ZNF385B: variants seen among roughly 807,000 people sequenced by gnomAD.
ZNF385B encodes the protein zinc finger protein 533.
A neutral mutation model predicts 39.2 loss-of-function variants in ZNF385B; 23 were observed. The observed-to-expected ratio is 0.59, with a 90% CI of 0.42 to 0.83. The LOEUF is 0.83. Ranked by LOEUF, ZNF385B falls within the 40% of genes least tolerant of loss-of-function variation. The pLI is 0.00. For missense variants in ZNF385B, 552 were observed against 598.9 expected (o/e 0.92, Z 0.82); for synonymous variants, 205 against 222.6 (o/e 0.92, Z 0.70).
intron 3 of ZNF385B, among the ~76,000 whole-genome samples, chr2:179,612,249 T>A (rs1606813): frequency 0.11 from 16,216 of 152,152 alleles, 1,009 homozygotes; most frequent in Middle Eastern, 0.2. Context: ...TTTGGTGAGG[T>A]CATGTTTTCC....
rs1346808450 is a variant in ZNF385B at position 179,792,370 on chromosome 2, C to CTTTTTTTTTTTTTTTT, written c.-154-21699_-154-21698insAAAAAAAAAAAAAAAA. ...CTGAAGAAGTAGGCCATTTCATTTT[C>CTTTTTTTTTTTTTTTT]TTTTCTTTTTTTTTTTTTTTTGAGA... is the stretch of plus-strand genomic sequence containing the variant. On this transcript the variant is annotated intron_variant, in intron 1 of 9. Coordinates refer to ENST00000410066, the MANE Select transcript of ZNF385B (RefSeq NM_152520.6). Among the ~76,000 whole-genome samples, 146 of 70,614 alleles carry CTTTTTTTTTTTTTTTT rather than the reference C, an allele frequency of 2.1e-3. 10 individuals are homozygous for CTTTTTTTTTTTTTTTT. Among genetic ancestry groups the CTTTTTTTTTTTTTTTT allele is most frequent in the South Asian group, 3.6e-3 (6 of 1,664 alleles). The allele number at this position is 70,614 out of a possible 152,430, so 46.3% of individuals were successfully genotyped here. A position where few individuals can be genotyped will look rare whatever the true frequency, so the allele number is the denominator to read the frequency against.
intron 3 of ZNF385B, among the ~76,000 whole-genome samples, chr2:179,700,042 C>T (rs975207733): frequency 8.9e-6 from 1 of 112,280 alleles, no homozygotes; most frequent in Non-Finnish European, 1.9e-5. Flanking sequence ...TTTTTCAAAA[C>T]ATACACAAAC....
At chr2:179,592,536 C>G (rs777714621) in intron 3 of ZNF385B, among the ~76,000 whole-genome samples, 3 of 152,166 alleles carry the variant, frequency 2.0e-5, no homozygotes, top group Non-Finnish European at 4.4e-5. Context: ...GAACTCACAG[C>G]AAATTCTACC....
chr2:179,587,881 G>A (rs568231306), intron 3 of ZNF385B, among the ~76,000 whole-genome samples: 2 of 152,184 alleles, frequency 1.3e-5, no homozygotes, highest in East Asian at 3.9e-4. Context: ...AATAAGTCCC[G>A]TTCTTTAATC....
Position 179,769,714 on chromosome 2 carries a change from C to T in ZNF385B, c.87G>A (p.Gly29=). The T allele has an allele frequency of 1.9e-6, 3 of 1,614,150 alleles. No homozygotes were observed. The highest frequency in any genetic ancestry group is 2.5e-6 in the Non-Finnish European group (3 of 1,180,032). ...ANFLRGFEEK[G]IKNDRPEDQL... ...GGTCCTCAGGCCTGTCGTTCTTTAT[C>T]CCCTTTTCTTCAAAGCCCCGTAGAA... The change falls in exon 3 of 10, where the codon GGG becomes GGA. Residue 29 remains glycine, a synonymous_variant. Coordinates refer to ENST00000410066, the MANE Select transcript of ZNF385B (RefSeq NM_152520.6).
intron 3 of ZNF385B, among the ~76,000 whole-genome samples, chr2:179,554,835 T>G (rs915459349): frequency 6.7e-6 from 1 of 149,040 alleles, no homozygotes; most frequent in Admixed American, 6.7e-5. Context: ...TTCAATTTGA[T>G]GAAGAAAGAT....
At position 179,808,283 on chromosome 2, in the gene ZNF385B, T is replaced by C. The variant is rs202073497; in HGVS notation, c.-154-37611A>G. ...TCCTGACCTTGTGATCCGCCCGCCT[T>C]GGCCTCCCAAAGTGCTGGGATTACA... is the stretch of plus-strand genomic sequence containing the variant. On this transcript the variant is annotated intron_variant, in intron 1 of 9. Transcript: ENST00000410066. Among the ~76,000 whole-genome samples the C allele has an allele frequency of 5.9e-3, 903 of 152,262 alleles. 6 individuals are homozygous for C. Among genetic ancestry groups the C allele is most frequent in the African/African-American group, 0.017 (694 of 41,566 alleles).
intron 1 of ZNF385B, among the ~76,000 whole-genome samples, chr2:179,788,190 T>C (rs1410464271): frequency 6.6e-6 from 1 of 152,076 alleles, no homozygotes; most frequent in Non-Finnish European, 1.5e-5. Flanking sequence ...ATGTTGGATG[T>C]ACACACATGC....
chr2:179,536,638 A>G (rs2059584542), intron 4 of ZNF385B: 1 of 152,182 alleles, frequency 6.6e-6, no homozygotes. Flanking sequence ...ACAATCCTCT[A>G]TTATGTTATG....
At chr2:179,460,412 C>T (rs1033114824) in intron 6 of ZNF385B, among the ~76,000 whole-genome samples, 4 of 152,170 alleles carry the variant, frequency 2.6e-5, no homozygotes, top group African/African-American at 9.7e-5. Context: ...AAAATTGACC[C>T]TCCCTGCCTT....
At chr2:179,574,775 T>C (rs1685618283) in intron 3 of ZNF385B, among the ~76,000 whole-genome samples, 1 of 152,124 alleles carries the variant, frequency 6.6e-6, no homozygotes, top group African/African-American at 2.4e-5. Flanking sequence ...TCTCTTAAGA[T>C]TCTGAAGAGT....
At chr2:179,463,452 C>G (rs1418519121) in intron 6 of ZNF385B, among the ~76,000 whole-genome samples, 1 of 152,066 alleles carries the variant, frequency 6.6e-6, no homozygotes, top group Non-Finnish European at 1.5e-5. Flanking sequence ...TTGCTGCACC[C>G]ATCAACTCAT....
intron 3 of ZNF385B, among the ~76,000 whole-genome samples, chr2:179,617,816 A>T (rs1689881560): frequency 6.6e-6 from 1 of 152,200 alleles, no homozygotes; most frequent in Non-Finnish European, 1.5e-5. Context: ...TCATCCAAAT[A>T]TTGGCCATTA....
intron 3 of ZNF385B, among the ~76,000 whole-genome samples, chr2:179,670,291 C>CAAAAA (rs35600247): frequency 2.0e-5 from 2 of 100,600 alleles, no homozygotes; most frequent in Non-Finnish European, 2.0e-5. Flanking sequence ...GACTCCGTCT[C>CAAAAA]AAAAAAAAAA....
At chr2:179,699,065 T>C (rs1359798295) in intron 3 of ZNF385B, among the ~76,000 whole-genome samples, 1 of 151,852 alleles carries the variant, frequency 6.6e-6, no homozygotes, top group Non-Finnish European at 1.5e-5. Context: ...TCAAATAATG[T>C]TATAAATATG....
At chr2:179,609,886 T>C (rs1689146057) in intron 3 of ZNF385B, among the ~76,000 whole-genome samples, 1 of 152,230 alleles carries the variant, frequency 6.6e-6, no homozygotes, top group Non-Finnish European at 1.5e-5. Flanking sequence ...GAAATGTCTA[T>C]TCAGATCTTT....
At chr2:179,831,524 T>C (rs924688699) in intron 1 of ZNF385B, among the ~76,000 whole-genome samples, 2 of 151,992 alleles carry the variant, frequency 1.3e-5, no homozygotes, top group Non-Finnish European at 2.9e-5. Context: ...TCGCTTATCA[T>C]CTAAATTAAG....
intron 6 of ZNF385B, among the ~76,000 whole-genome samples, chr2:179,453,250 A>G (rs569044039): frequency 6.6e-6 from 1 of 152,294 alleles, no homozygotes; most frequent in South Asian, 2.1e-4. Context: ...ATACCGAACG[A>G]GACTTCTGTG....
intron 3 of ZNF385B, among the ~76,000 whole-genome samples, chr2:179,659,543 C>T (rs1375339485): frequency 6.6e-6 from 1 of 151,650 alleles, no homozygotes; most frequent in African/African-American, 2.4e-5. Flanking sequence ...GTATAATATA[C>T]AATTATGAAT....
Sources: gnomAD v4.1 joint callset for allele counts (sites outside exome capture counted in the v4.1 genomes callset) on GRCh38, gnomAD v4.1.1 for gene constraint, MANE v1.5 for transcripts, NCBI Gene and HGNC (gene_info 2026-07-23, HGNC 2026-07-21) for gene names.